Variants in KALRN observed in about 807,000 individuals in gnomAD.
KALRN encodes the protein kalirin RhoGEF kinase.
In KALRN, 70 loss-of-function variants were observed where a neutral mutation model predicts 353.7. The observed-to-expected ratio is 0.20, with a 90% CI of 0.16 to 0.24. The LOEUF (loss-of-function observed/expected upper bound fraction) is 0.24, where lower values mean the gene tolerates loss of function less well. KALRN is among the 10% of genes least tolerant of loss of function. The pLI is 1.00. For synonymous variants in KALRN, 1,391 were observed against 1,434.8 expected (o/e 0.97, Z 0.69); for missense variants, 2,791 against 3,756.7 (o/e 0.74, Z 6.72).
chr3:124,140,372 C>G (rs1320638532), intron 1 of KALRN, among the ~76,000 whole-genome samples: 1 of 152,220 alleles, frequency 6.6e-6, no homozygotes, highest in Non-Finnish European at 1.5e-5. Context: ...TCAACTGCCA[C>G]TGACAAGCGA....
intron 1 of KALRN, among the ~76,000 whole-genome samples, chr3:124,099,631 C>A (rs1310798468): frequency 4.6e-5 from 7 of 152,124 alleles, no homozygotes; most frequent in African/African-American, 1.4e-4. Flanking sequence ...TTATGAGAAA[C>A]CTCCATACTG....
chr3:124,192,380 G>A (rs1054425416), intron 1 of KALRN, among the ~76,000 whole-genome samples: 2 of 152,162 alleles, frequency 1.3e-5, no homozygotes, highest in Non-Finnish European at 2.9e-5. Flanking sequence ...GGCTGGGAAA[G>A]GTAGTAGGGG....
chr3:124,184,669 T>C (rs926089867), intron 1 of KALRN, among the ~76,000 whole-genome samples: 1 of 152,220 alleles, frequency 6.6e-6, no homozygotes, highest in Non-Finnish European at 1.5e-5. Flanking sequence ...TAGATCTAAA[T>C]TGTAGCACTT....
intron 10 of KALRN, among the ~76,000 whole-genome samples, chr3:124,373,111 CT>C (rs1377809794): frequency 6.6e-6 from 1 of 152,158 alleles, no homozygotes; most frequent in Non-Finnish European, 1.5e-5. Flanking sequence ...CCTCCTCCCC[CT>C]GTCCTGTGAG....
At position 124,359,235 on chromosome 3, in the gene KALRN, T is replaced by C. The variant is rs539545334; in HGVS notation, c.1770+11970T>C. On this transcript the variant is annotated intron_variant, in intron 10 of 59. Coordinates refer to ENST00000682506, the MANE Select transcript of KALRN (RefSeq NM_001388419.1). ...TGTCCTCTGGTGTATCTGAAGCACATGTAAGAATGATTGGTGACAGCTGGC... is the reference window on the plus strand; with the variant it reads ...TGTCCTCTGGTGTATCTGAAGCACACGTAAGAATGATTGGTGACAGCTGGC... Among the ~76,000 whole-genome samples, 191 of 152,264 alleles carry C rather than the reference T, an allele frequency of 1.3e-3. 1 individual carries two copies. The highest frequency in any genetic ancestry group is 4.6e-3 in the African/African-American group (191 of 41,572).
intron 28 of KALRN, among the ~76,000 whole-genome samples, chr3:124,484,703 A>T (rs1045812338): frequency 6.6e-6 from 1 of 152,202 alleles, no homozygotes; most frequent in African/African-American, 2.4e-5. Flanking sequence ...GGCTATTAGA[A>T]AGTTAGCATT....
At chr3:124,471,836 G>A (rs917240264) in intron 25 of KALRN, among the ~76,000 whole-genome samples, 33 of 151,728 alleles carry the variant, frequency 2.2e-4, no homozygotes, top group Admixed American at 5.9e-4. Flanking sequence ...GCGTGGTGGC[G>A]GGCGCTTGCA....
At chr3:124,068,343 G>A (rs1200597279) in intron 1 of KALRN, among the ~76,000 whole-genome samples, 3 of 152,168 alleles carry the variant, frequency 2.0e-5, no homozygotes, top group Non-Finnish European at 4.4e-5. Context: ...GTGACATCCT[G>A]TGAGGTTACA....
At chr3:124,037,027 T>G (rs1294504482) in intron 1 of KALRN, among the ~76,000 whole-genome samples, 1 of 152,190 alleles carries the variant, frequency 6.6e-6, no homozygotes, top group Non-Finnish European at 1.5e-5. Context: ...AGAAAGTGTG[T>G]TACAGTAATT....
intron 1 of KALRN, among the ~76,000 whole-genome samples, chr3:124,055,776 AT>A (rs1269819777): frequency 6.6e-6 from 1 of 152,178 alleles, no homozygotes; most frequent in Non-Finnish European, 1.5e-5. Flanking sequence ...GCACTATAAA[AT>A]CCCATCCAAA....
chr3:124,677,189 TA>T (rs2087289698), intron 49 of KALRN, among the ~76,000 whole-genome samples: 4 of 152,188 alleles, frequency 2.6e-5, no homozygotes, highest in African/African-American at 9.6e-5. Flanking sequence ...GACAAGGAGA[TA>T]CTGAGGGGAA....
intron 33 of KALRN, among the ~76,000 whole-genome samples, chr3:124,505,810 T>G (rs2065150344): frequency 6.6e-6 from 1 of 152,232 alleles, no homozygotes; most frequent in South Asian, 2.1e-4. Context: ...CAATGTCATC[T>G]GTGGCCATAA....
chr3:124,708,190 A>T (rs915616557), intron 57 of KALRN, among the ~76,000 whole-genome samples: 1 of 152,268 alleles, frequency 6.6e-6, no homozygotes, highest in Non-Finnish European at 1.5e-5. Context: ...TAACAGAATC[A>T]GTCTCACAAC....
Position 124,678,536 on chromosome 3 carries a change from T to G in KALRN, c.7317+223T>G, listed in dbSNP as rs766627161. On this transcript the variant is annotated intron_variant, in intron 50 of 59. Transcript: ENST00000682506. ...AAGTAAGTACCTTTTTTTTCTTTTA[T>G]ACCTTTCTCTTTATACTGTGCAGAT... The G allele has an allele frequency of 3.9e-4, 170 of 431,498 alleles. 1 individual carries two copies. The highest frequency in any genetic ancestry group is 7.0e-4 in the Middle Eastern group (1 of 1,434). 26.7% of individuals were successfully genotyped at this position (431,498 alleles called of 1,614,324 possible). A position where few individuals can be genotyped will look rare whatever the true frequency, so the allele number is the denominator to read the frequency against.
In KALRN at chr3:124,446,801, C is replaced by T. The variant is rs1345853191; in HGVS notation, c.3468C>T (p.Leu1156=). 2 of 1,614,074 alleles carry T rather than the reference C, an allele frequency of 1.2e-6. No individual in the cohort carries two copies. The highest frequency in any genetic ancestry group is 3.3e-5 in the Admixed American group (2 of 60,010). Residue 1156 remains leucine, a synonymous_variant, in exon 21 of 60, where the codon CTC becomes CTT. Coordinates refer to ENST00000682506, the MANE Select transcript of KALRN (RefSeq NM_001388419.1). ...TCCAAGAAACAGGTGAATTTTACCT[C>T]TCAACACATACCTCCACTGGAGAGA... ...DWIQETGEFY[L]STHTSTGETT...
chr3:124,630,962 C>T (rs572027651), intron 34 of KALRN, among the ~76,000 whole-genome samples: 1 of 152,236 alleles, frequency 6.6e-6, no homozygotes, highest in Admixed American at 6.5e-5. Flanking sequence ...CCATGGCCCC[C>T]TCCATTCCAC....
At chr3:124,287,758 A>T in intron 5 of KALRN, among the ~76,000 whole-genome samples, 1 of 98,098 alleles carries the variant, frequency 1.0e-5, no homozygotes, top group Admixed American at 1.2e-4. Flanking sequence ...AATCAATGGT[A>T]GGGCCTAGGA....
intron 1 of KALRN, among the ~76,000 whole-genome samples, chr3:124,178,475 A>G (rs1186530444): frequency 1.3e-5 from 2 of 152,254 alleles, no homozygotes; most frequent in African/African-American, 4.8e-5. Flanking sequence ...TCTAGATGGT[A>G]CAGACTACTA....
intron 10 of KALRN, among the ~76,000 whole-genome samples, chr3:124,369,076 A>G (rs913436906): frequency 6.6e-6 from 1 of 152,092 alleles, no homozygotes; most frequent in Non-Finnish European, 1.5e-5. Context: ...GGAGAGGGAG[A>G]GGGAGAGGAC....
Sources: allele counts gnomAD v4.1 joint callset (sites outside exome capture counted in the v4.1 genomes callset), GRCh38; gene constraint gnomAD v4.1.1; transcripts MANE v1.5; gene names NCBI Gene and HGNC (gene_info 2026-07-23, HGNC 2026-07-21).